DYNC1H1: variants seen among roughly 807,000 people sequenced by gnomAD.
DYNC1H1 encodes dynein cytoplasmic 1 heavy chain 1.
In DYNC1H1, 51 loss-of-function variants were observed where a neutral mutation model predicts 527.1. That is an observed-to-expected ratio of 0.10 (90% CI 0.08 to 0.12). The LOEUF (loss-of-function observed/expected upper bound fraction) is 0.12. DYNC1H1 is among the 10% of genes least tolerant of loss of function. DYNC1H1 has a pLI of 1.00. For synonymous variants in DYNC1H1, 2,189 were observed against 2,278.8 expected (o/e 0.96, Z 1.12); for missense variants, 2,771 against 5,971.8 (o/e 0.46, Z 17.66).
chr14:101,995,347 C>T (rs368976968), intron 15 of DYNC1H1, 47 bp downstream of exon 15: 13 of 1,611,284 alleles, frequency 8.1e-6, no homozygotes, highest in East Asian at 4.5e-5. Flanking sequence ...CGTGGTGGCT[C>T]ACGCCTGTAA....
rs1595636310 is a variant in DYNC1H1, at chr14:102,048,042, T to G, written c.13218+14T>G. On this transcript the variant is annotated intron_variant, in intron 73 of 77. Coordinates refer to ENST00000360184, the MANE Select transcript of DYNC1H1 (RefSeq NM_001376.5). Reference sequence around the variant, plus strand: ...GAGAATATCAAGGTAGCTGGGAGGGTGGCGGGCCGGCCAGGTCTCAAGGTC... The same window carrying G: ...GAGAATATCAAGGTAGCTGGGAGGGGGGCGGGCCGGCCAGGTCTCAAGGTC... 3 of 1,603,668 alleles carry G rather than the reference T, an allele frequency of 1.9e-6. No individual in the cohort carries two copies. The highest frequency in any genetic ancestry group is 2.3e-5 in the East Asian group (1 of 44,432).
intron 56 of DYNC1H1, 165 bp downstream of exon 56, chr14:102,034,617 G>A (rs534362369): frequency 1.8e-5 from 20 of 1,141,542 alleles, no homozygotes; most frequent in African/African-American, 3.1e-5. Flanking sequence ...TGCTGTTCTC[G>A]TTATTGTCAA....
At chr14:101,996,823 A>G (rs925109380) in intron 15 of DYNC1H1, among the ~76,000 whole-genome samples, 2 of 151,180 alleles carry the variant, frequency 1.3e-5, no homozygotes, top group Non-Finnish European at 3.0e-5. Context: ...AAGTCCTGCC[A>G]TGTTGCCCAG....
Position 102,020,137 on chromosome 14 carries a change from G to A in DYNC1H1, c.8507+81G>A. ...AGCTGTCGAAGCTGGGGTCTTTGCA[G>A]GGGTGGTCTGCCTAAGTTAGAGCCA... On this transcript the variant is annotated intron_variant, in intron 42 of 77. Transcript: ENST00000360184. This position sits in a 1 kb window ranked among gnomAD's most constrained non-coding sequence, Gnocchi z 4.3. 8 of 1,561,412 alleles carry A rather than the reference G, an allele frequency of 5.1e-6. No individual in the cohort carries two copies. The highest frequency in any genetic ancestry group is 7.0e-6 in the Non-Finnish European group (8 of 1,151,072).
chr14:101,987,220 T>C (rs978614541), intron 8 of DYNC1H1, among the ~76,000 whole-genome samples: 2 of 152,150 alleles, frequency 1.3e-5, no homozygotes, highest in African/African-American at 2.4e-5. Flanking sequence ...ACCTCTCCCA[T>C]TGAGTGGGAG....
chr14:102,049,869 C>T lies in DYNC1H1; in HGVS notation c.13671C>T (p.Ser4557=). The change falls in exon 76 of 78, where the codon AGC becomes AGT. Residue 4557 remains serine (S), a synonymous_variant. Coordinates refer to ENST00000360184, the MANE Select transcript of DYNC1H1 (RefSeq NM_001376.5). The surrounding 1 kb of genome is among the most constrained non-coding windows in gnomAD (Gnocchi z 5.5). ...AGGGCGCCACCCTTGACGCTTGCAG[C>T]TTCGGAGTCACGGGTGAGTGGAGTC... The part of the protein sequence containing the change: ...TSQGATLDAC[S]FGVTGLKLQG... 2 of 1,613,820 alleles carry T rather than the reference C, an allele frequency of 1.2e-6. No homozygotes were observed. The highest frequency in any genetic ancestry group is 2.2e-5 in the South Asian group (2 of 91,082).
chr14:102,050,653 A>G lies in DYNC1H1; in HGVS notation c.*90A>G. On this transcript the variant is annotated 3_prime_UTR_variant, in exon 78 of 78. Transcript: ENST00000360184. Reference sequence around the variant, plus strand: ...ATATTTGGAAGGTCTGAGCTTGTGAAAAGAAAGTGGTTGGTCTGAGGTTGG... The same window carrying G: ...ATATTTGGAAGGTCTGAGCTTGTGAGAAGAAAGTGGTTGGTCTGAGGTTGG... The G allele has an allele frequency of 2.5e-6, 4 of 1,603,918 alleles. No individual in the cohort carries two copies. Among genetic ancestry groups the G allele is most frequent in the African/African-American group, 1.3e-5 (1 of 74,796 alleles).
At chr14:102,028,250 G>A (rs1270807440) in intron 48 of DYNC1H1, 109 bp downstream of exon 48, 17 of 1,312,798 alleles carry the variant, frequency 1.3e-5, no homozygotes, top group African/African-American at 7.4e-5. Flanking sequence ...AGTGACTCAT[G>A]CCTGTAATCC....
Position 101,994,353 on chromosome 14 carries a change from T to C in DYNC1H1, c.3156+29T>C. 3 of 1,614,094 alleles carry C rather than the reference T, an allele frequency of 1.9e-6. No homozygotes were observed. The African/African-American group carries it at 4.0e-5, about 22-fold the overall frequency. ...AGAAACTCCTAATTTCATTCAAATG[T>C]GCATATGGTCTATTCTAGACACTTA... On this transcript the variant is annotated intron_variant, in intron 12 of 77. Coordinates refer to ENST00000360184, the MANE Select transcript of DYNC1H1 (RefSeq NM_001376.5).
At chr14:101,984,112 C>T (rs1316524045) in intron 7 of DYNC1H1, among the ~76,000 whole-genome samples, 5 of 152,084 alleles carry the variant, frequency 3.3e-5, no homozygotes, top group African/African-American at 4.8e-5. Flanking sequence ...GGACTATAGG[C>T]GCACCCCACC....
rs754721239 is a variant in DYNC1H1, at chr14:101,986,587, T to C, written c.2362T>C (p.Tyr788His). 6 of 1,613,830 alleles carry C rather than the reference T, an allele frequency of 3.7e-6. No individual in the cohort carries two copies. In the South Asian group the frequency reaches 6.6e-5, roughly 18 times the overall value. The stretch of plus-strand genomic sequence containing the variant: ...CTCACTGATCGAGAGCGTTCGTACC[T>C]ATGAACGGACCTGCGAGAAGGTGGA... ...AISLIESVRT[Y>H]ERTCEKVEER... Residue 788 changes from tyrosine to histidine, a missense_variant, in exon 8 of 78, where the codon TAT (tyrosine) becomes CAT (histidine). By Grantham distance (83) the Tyr-to-His change is moderately conservative. This residue lies in a region of DYNC1H1 where 264 missense variants were observed against 619.4 expected (regional missense o/e 0.43). Coordinates refer to ENST00000360184, the MANE Select transcript of DYNC1H1 (RefSeq NM_001376.5). The surrounding 1 kb of genome is among the most constrained non-coding windows in gnomAD (Gnocchi z 8.7).
At position 102,012,813 on chromosome 14, in the gene DYNC1H1, G is replaced by T; in HGVS notation, c.7014+343G>T. 2.7e-6 allele frequency: 1 copy of T among 368,912 alleles called. No homozygotes were observed. The allele number at this position is 368,912 out of a possible 1,614,324, so 22.9% of individuals were successfully genotyped here. On this transcript the variant is annotated intron_variant, in intron 34 of 77. Transcript: ENST00000360184. The surrounding 1 kb of genome is among the most constrained non-coding windows in gnomAD (Gnocchi z 4.9). ...TGGGAAAATGAGAAATTTGGAATGGGGCTTTCTAGGCTGTCCCTTGGAAAA... is the reference window on the plus strand; with the variant it reads ...TGGGAAAATGAGAAATTTGGAATGGTGCTTTCTAGGCTGTCCCTTGGAAAA...
rs370756273 is a variant in DYNC1H1 at position 102,046,303 on chromosome 14, C to T, written c.13007-1514C>T. ...TGGGGTTGACAGCAGCTGATCAAAT[C>T]TCAACTTTTTCTTATGGGAAAAAGT... On this transcript the variant is annotated intron_variant, in intron 72 of 77. Transcript: ENST00000360184. 8.5e-5 allele frequency among the ~76,000 whole-genome samples: 13 copies of T among 152,302 alleles called. No homozygotes were observed. The East Asian group carries it at 2.5e-3, about 29-fold the overall frequency.
chr14:102,017,864 T>C lies in DYNC1H1; in HGVS notation c.8177+360T>C, dbSNP rs920972229. On this transcript the variant is annotated intron_variant, in intron 40 of 77. Coordinates refer to ENST00000360184, the MANE Select transcript of DYNC1H1 (RefSeq NM_001376.5). The surrounding 1 kb of genome is among the most constrained non-coding windows in gnomAD (Gnocchi z 4.6). Reference sequence around the variant, plus strand: ...GCTTACGCCTGTAATCCCAGCACTTTGGGAGGCCGAAGCGGGCAGATCACG... The same window carrying C: ...GCTTACGCCTGTAATCCCAGCACTTCGGGAGGCCGAAGCGGGCAGATCACG... The C allele has an allele frequency of 8.6e-6, 3 of 346,898 alleles. No individual in the cohort carries two copies. In the East Asian group the frequency reaches 2.3e-4, roughly 26 times the overall value. 21.5% of individuals were successfully genotyped at this position (346,898 alleles called of 1,614,324 possible).
chr14:102,045,477 G>C (rs1016300134), intron 72 of DYNC1H1, among the ~76,000 whole-genome samples: 1 of 151,872 alleles, frequency 6.6e-6, no homozygotes, highest in African/African-American at 2.4e-5. Flanking sequence ...CAGGTGTGGT[G>C]GTGGGTGCCT....
At position 102,017,007 on chromosome 14, in the gene DYNC1H1, G is replaced by A. The variant is rs1344384229; in HGVS notation, c.7848+8G>A. 6.2e-7 allele frequency: 1 copy of A among 1,614,156 alleles called. No homozygotes were observed. The highest frequency in any genetic ancestry group is 1.7e-5 in the Admixed American group (1 of 60,016). On this transcript the variant is annotated splice_region_variant and intron_variant, in intron 38 of 77. Coordinates refer to ENST00000360184, the MANE Select transcript of DYNC1H1 (RefSeq NM_001376.5). The surrounding 1 kb of genome is among the most constrained non-coding windows in gnomAD (Gnocchi z 4.6). ...GCCTTGCCTGACATGGAGGTAAAGA[G>A]GCCAGGAGGTGGGCAGCAGACCTTT...
chr14:101,974,661 A>G (rs1401507511), intron 1 of DYNC1H1, among the ~76,000 whole-genome samples: 1 of 152,208 alleles, frequency 6.6e-6, no homozygotes, highest in Non-Finnish European at 1.5e-5. Flanking sequence ...TCTTGAGGCT[A>G]CCTTACTATT....
In DYNC1H1 at chr14:102,049,782, G is replaced by A; in HGVS notation, c.13584G>A (p.Val4528=). The A allele has an allele frequency of 1.2e-5, 19 of 1,613,912 alleles. No individual in the cohort carries two copies. The highest frequency in any genetic ancestry group is 1.6e-5 in the Non-Finnish European group (19 of 1,180,036). Reference sequence around the variant, plus strand: ...ACATCACTGCCACCAGGCAGTATGTGGCCCAGGCCAACAGCTGGTCCCTGG... The same window carrying A: ...ACATCACTGCCACCAGGCAGTATGTAGCCCAGGCCAACAGCTGGTCCCTGG... The part of the protein sequence containing the change: ...EAYITATRQY[V]AQANSWSLEE... Residue 4528 remains valine, a synonymous_variant, in exon 76 of 78, where the codon GTG becomes GTA. Coordinates refer to ENST00000360184, the MANE Select transcript of DYNC1H1 (RefSeq NM_001376.5). The surrounding 1 kb of genome is among the most constrained non-coding windows in gnomAD (Gnocchi z 5.5).
In DYNC1H1 at chr14:101,994,757, G is replaced by C; in HGVS notation, c.3241G>C (p.Ala1081Pro). ...RLGEDLNKWQ[A>P]LLVQIRKARG... is the part of the protein sequence containing the mutation. ...TGGAGAAGATCTCAACAAATGGCAG[G>C]CTCTCCTGGTCCAAATAAGGAAGGC... Residue 1081 changes from alanine (A) to proline (P), a missense_variant, in exon 13 of 78, where the codon GCT (alanine) becomes CCT (proline). Physicochemically the swap from Ala to Pro is conservative, Grantham distance 27 (BLOSUM62 -1). Coordinates refer to ENST00000360184, the MANE Select transcript of DYNC1H1 (RefSeq NM_001376.5). 1.2e-6 allele frequency: 2 copies of C among 1,614,190 alleles called. No individual in the cohort carries two copies. Among genetic ancestry groups the C allele is most frequent in the Non-Finnish European group, 1.7e-6 (2 of 1,180,042 alleles).
Sources: allele counts gnomAD v4.1 joint callset (sites outside exome capture counted in the v4.1 genomes callset), GRCh38; gene constraint gnomAD v4.1.1; regional missense constraint gnomAD v4.1.1; non-coding constraint Gnocchi (gnomAD v3.1); transcripts MANE v1.5; gene names NCBI Gene and HGNC (gene_info 2026-07-23, HGNC 2026-07-21).